IL23R: variants seen among roughly 807,000 people sequenced by gnomAD.
IL23R encodes interleukin 23 receptor.
A neutral mutation model predicts 56.9 loss-of-function variants in IL23R; 34 were observed. The observed-to-expected ratio is 0.60, with a 90% CI of 0.45 to 0.80. The LOEUF (loss-of-function observed/expected upper bound fraction) is 0.80, where lower values mean the gene tolerates loss of function less well. IL23R is among the 30% of genes least tolerant of loss of function. The probability of loss-of-function intolerance (pLI) is 0.00; values close to 1 mark genes in which losing one functional copy is unlikely to be tolerated. For missense variants in IL23R, 635 were observed against 730.0 expected (o/e 0.87, Z 1.50); for synonymous variants, 230 against 249.2 (o/e 0.92, Z 0.73).
intron 5 of IL23R, among the ~76,000 whole-genome samples, chr1:67,204,575 C>T: frequency 6.6e-6 from 1 of 152,098 alleles, no homozygotes. Context: ...TTTACTTTCT[C>T]CTCAGAATAA....
At chr1:67,222,421 A>T (rs1172657144) in intron 7 of IL23R, among the ~76,000 whole-genome samples, 1 of 152,048 alleles carries the variant, frequency 6.6e-6, no homozygotes, top group African/African-American at 2.4e-5. Context: ...CCAGCCAGGG[A>T]ATTATTTTCA....
chr1:67,203,658 C>T (rs556268053), intron 5 of IL23R, among the ~76,000 whole-genome samples: 5 of 152,148 alleles, frequency 3.3e-5, no homozygotes, highest in Non-Finnish European at 7.3e-5. Flanking sequence ...ACAGATGAGC[C>T]GTCTTCATGG....
At chr1:67,256,033 T>C (rs777717374) in intron 10 of IL23R, 106 bp downstream of exon 10, 214 of 685,046 alleles carry the variant, frequency 3.1e-4, no homozygotes, top group Non-Finnish European at 4.8e-4. Context: ...TGCACACATA[T>C]TAACATAATT....
intron 5 of IL23R, among the ~76,000 whole-genome samples, chr1:67,205,695 T>A (rs56698321): frequency 0.12 from 18,233 of 152,262 alleles, 1,352 homozygotes; most frequent in Non-Finnish European, 0.18. Flanking sequence ...ATGCCAACAA[T>A]TTACAAAGCC....
At chr1:67,230,451 A>G (rs1651023201) in intron 7 of IL23R, among the ~76,000 whole-genome samples, 1 of 152,128 alleles carries the variant, frequency 6.6e-6, no homozygotes, top group South Asian at 2.1e-4. Flanking sequence ...TTTCATATAG[A>G]GTTTTGCTAC....
intron 4 of IL23R, among the ~76,000 whole-genome samples, chr1:67,199,299 G>C (rs1648426088): frequency 6.6e-6 from 1 of 152,138 alleles, no homozygotes; most frequent in South Asian, 2.1e-4. Flanking sequence ...TTCAGAACAT[G>C]CTGGTTGTCT....
chr1:67,197,909 C>T (rs1415309059), intron 4 of IL23R, among the ~76,000 whole-genome samples: 1 of 151,662 alleles, frequency 6.6e-6, no homozygotes, highest in Non-Finnish European at 1.5e-5. Context: ...GCACTCCAGC[C>T]TGGGTGACAG....
chr1:67,214,836 C>A (rs577118324), intron 6 of IL23R, among the ~76,000 whole-genome samples: 1 of 152,280 alleles, frequency 6.6e-6, no homozygotes, highest in African/African-American at 2.4e-5. Context: ...AAAGCAAAGA[C>A]AGGCAACCCA....
intron 3 of IL23R, among the ~76,000 whole-genome samples, chr1:67,175,656 G>GT (rs1646998447): frequency 6.6e-6 from 1 of 152,108 alleles, no homozygotes; most frequent in African/African-American, 2.4e-5. Flanking sequence ...TGTAGCATGT[G>GT]TTAAAATTTC....
chr1:67,259,965 G>GAAAAAAAAAAAAAAAAA (rs372460431), exon 11 of IL23R: 1 of 76,076 alleles, frequency 1.3e-5, no homozygotes. Flanking sequence ...ACTCTGTCTG[G>GAAAAAAAAAAAAAAAAA]AAAAAAAAAA....
intron 4 of IL23R, among the ~76,000 whole-genome samples, chr1:67,198,303 G>A (rs374120990): frequency 4.2e-4 from 64 of 152,238 alleles, no homozygotes; most frequent in African/African-American, 1.5e-3. Context: ...CACTCCTTTC[G>A]CCACCGCCTC....
At chr1:67,209,935 T>C (rs1649340941) in intron 6 of IL23R, among the ~76,000 whole-genome samples, 2 of 152,232 alleles carry the variant, frequency 1.3e-5, no homozygotes, top group Non-Finnish European at 2.9e-5. Context: ...GGGTGAAATT[T>C]ATATCAGTGA....
At chr1:67,158,557 A>G (rs1021925816) in intron 1 of IL23R, among the ~76,000 whole-genome samples, 5 of 152,194 alleles carry the variant, frequency 3.3e-5, no homozygotes, top group African/African-American at 9.6e-5. Context: ...TGTTGCCATG[A>G]AAAGGGGTGG....
intron 6 of IL23R, among the ~76,000 whole-genome samples, chr1:67,210,713 G>A (rs1241433544): frequency 6.6e-6 from 1 of 151,864 alleles, no homozygotes; most frequent in Admixed American, 6.6e-5. Context: ...TCCTCCCCCT[G>A]GCTTTCTCGT....
chr1:67,198,699 C>T (rs1000415185), intron 4 of IL23R, among the ~76,000 whole-genome samples: 28 of 152,218 alleles, frequency 1.8e-4, no homozygotes, highest in Non-Finnish European at 3.5e-4. Flanking sequence ...AATCCCAGCA[C>T]TTTGGGAGGC....
At position 67,244,153 on chromosome 1, in the gene IL23R, G is replaced by T. The variant is rs562233020; in HGVS notation, c.1148+3872G>T. 2.0e-5 allele frequency among the ~76,000 whole-genome samples: 3 copies of T among 152,172 alleles called. No individual in the cohort carries two copies. The East Asian group carries it at 5.8e-4, about 29-fold the overall frequency. On this transcript the variant is annotated intron_variant, in intron 9 of 10. Transcript: ENST00000347310. ...ATATCCTTCACCCACTTTTTGATGG[G>T]TTGGTTTGTTTGTTTTCTTGTAAAT...
chr1:67,141,885 T>TG (rs1221386160), intron 1 of IL23R, among the ~76,000 whole-genome samples: 2 of 151,690 alleles, frequency 1.3e-5, no homozygotes, highest in Admixed American at 6.6e-5. Flanking sequence ...AAGCATTTCG[T>TG]GGGGCAGGGG....
intron 7 of IL23R, among the ~76,000 whole-genome samples, chr1:67,228,410 T>C (rs1349634743): frequency 6.9e-6 from 1 of 145,390 alleles, no homozygotes; most frequent in Non-Finnish European, 1.5e-5. Context: ...GTTTGCCAAG[T>C]TGGTCTTGAA....
chr1:67,206,676 CA>C (rs1455035718), intron 5 of IL23R, among the ~76,000 whole-genome samples: 1 of 148,730 alleles, frequency 6.7e-6, no homozygotes, highest in African/African-American at 2.5e-5. Context: ...TATTAGAGTT[CA>C]GTTTTTTTTT....
Sources: allele counts gnomAD v4.1 joint callset (sites outside exome capture counted in the v4.1 genomes callset), GRCh38; gene constraint gnomAD v4.1.1; transcripts MANE v1.5; gene names NCBI Gene and HGNC (gene_info 2026-07-23, HGNC 2026-07-21).